Variants in PAX7 observed in about 807,000 individuals in gnomAD.
PAX7 encodes the protein paired box 7.
PAX7 carries 18 observed loss-of-function variants against 50.7 expected under a neutral mutation model. The observed-to-expected ratio is 0.36, with a 90% CI of 0.25 to 0.53. The LOEUF (loss-of-function observed/expected upper bound fraction) is 0.53, where lower values mean the gene tolerates loss of function less well. Ranked by LOEUF, PAX7 falls within the 20% of genes least tolerant of loss-of-function variation. PAX7 has a pLI of 0.93. For missense variants in PAX7, 644 were observed against 702.9 expected (o/e 0.92, Z 0.95); for synonymous variants, 310 against 290.4 (o/e 1.07, Z -0.69).
intron 5 of PAX7, among the ~76,000 whole-genome samples, chr1:18,699,084 C>A (rs2089184219): frequency 6.6e-6 from 1 of 152,208 alleles, no homozygotes; most frequent in Non-Finnish European, 1.5e-5. Context: ...ATCCTGCCTC[C>A]CCTTGTTCAT....
rs1415303283 is a variant in PAX7, at chr1:18,746,103, T to G, written c.*1174T>G. The stretch of plus-strand genomic sequence containing the variant: ...GATGCAGAGAGCTACCCTCAGAGCT[T>G]TGGAGGAGGGTTGTAGACTGGGCAG... On this transcript the variant is annotated 3_prime_UTR_variant, in exon 9 of 9. Coordinates refer to ENST00000420770, the MANE Select transcript of PAX7 (RefSeq NM_001135254.2). 4 of 231,610 alleles carry G rather than the reference T, an allele frequency of 1.7e-5. No individual in the cohort carries two copies. The highest frequency in any genetic ancestry group is 8.8e-5 in the African/African-American group (4 of 45,242). 14.3% of individuals were successfully genotyped at this position (231,610 alleles called of 1,614,324 possible).
chr1:18,700,555 C>A lies in PAX7; in HGVS notation c.787-98C>A. 1 of 1,138,114 alleles carries A rather than the reference C, an allele frequency of 8.8e-7. No homozygotes were observed. Among genetic ancestry groups the A allele is most frequent in the Non-Finnish European group, 1.2e-6 (1 of 827,062 alleles). The allele number at this position is 1,138,114 out of a possible 1,614,324, so 70.5% of individuals were successfully genotyped here. ...GCCTGCAGGAGGATGCTGGCTGGAT[C>A]AGAGGGTGATGGCTTGGGCAACTGG... is the stretch of plus-strand genomic sequence containing the variant. On this transcript the variant is annotated intron_variant, in intron 5 of 8. Coordinates refer to ENST00000420770, the MANE Select transcript of PAX7 (RefSeq NM_001135254.2). The surrounding 1 kb of genome is among the most constrained non-coding windows in gnomAD (Gnocchi z 4.8).
At chr1:18,707,205 C>A (rs922782021) in intron 7 of PAX7, among the ~76,000 whole-genome samples, 4 of 152,110 alleles carry the variant, frequency 2.6e-5, no homozygotes, top group Non-Finnish European at 4.4e-5. Flanking sequence ...CAGGGTCAGA[C>A]AGACAAAAAA....
chr1:18,650,023 G>T (rs1001866707), intron 4 of PAX7, among the ~76,000 whole-genome samples: 28 of 152,188 alleles, frequency 1.8e-4, no homozygotes, highest in Admixed American at 1.8e-3. Flanking sequence ...TTTAGTGGAG[G>T]GGAAGCAGTG....
intron 4 of PAX7, among the ~76,000 whole-genome samples, chr1:18,669,800 A>G (rs2088717580): frequency 6.6e-6 from 1 of 152,214 alleles, no homozygotes; most frequent in Non-Finnish European, 1.5e-5. Context: ...GTTGCAACAT[A>G]GTTGTAATGG....
Position 18,632,894 on chromosome 1 carries a change from T to C in PAX7, c.85+1206T>C, listed in dbSNP as rs2088079117. On this transcript the variant is annotated intron_variant, in intron 1 of 8. Transcript: ENST00000420770. This position sits in a 1 kb window ranked among gnomAD's most constrained non-coding sequence, Gnocchi z 6.3. ...GGGGATTTGCAGTGGCACTCTCCTG[T>C]AGCGAATGCAAGTAAAACAGGCGGC... Among the ~76,000 whole-genome samples, 1 of 152,130 alleles carries C rather than the reference T, an allele frequency of 6.6e-6. No individual in the cohort carries two copies. The highest frequency in any genetic ancestry group is 2.4e-5 in the African/African-American group (1 of 41,444).
chr1:18,649,849 T>C (rs1229509296), intron 4 of PAX7, among the ~76,000 whole-genome samples: 1 of 152,242 alleles, frequency 6.6e-6, no homozygotes, highest in Non-Finnish European at 1.5e-5. Flanking sequence ...CACTAACTGC[T>C]GTGTCATTCT....
chr1:18,703,039 C>A, intron 6 of PAX7, 55 bp from the exon 7 acceptor site: 2 of 1,517,894 alleles, frequency 1.3e-6, no homozygotes, highest in Non-Finnish European at 1.8e-6. Context: ...CTCTCAGAGG[C>A]CCAGCGTCCA....
Position 18,718,873 on chromosome 1 carries a change from C to G in PAX7, c.1155+15577C>G, listed in dbSNP as rs184403975. On this transcript the variant is annotated intron_variant, in intron 7 of 8. Transcript: ENST00000420770. ...GCCAGGCTGGTCTCAAACTCCTGACCTCATGATCCTCCCGCCTCAGCCTCC... is the reference window on the plus strand; with the variant it reads ...GCCAGGCTGGTCTCAAACTCCTGACGTCATGATCCTCCCGCCTCAGCCTCC... Among the ~76,000 whole-genome samples the G allele has an allele frequency of 5.5e-3, 833 of 152,232 alleles. 11 individuals are homozygous for G. Among genetic ancestry groups the G allele is most frequent in the African/African-American group, 0.018 (750 of 41,540 alleles).
chr1:18,736,175 A>G lies in PAX7; in HGVS notation c.1402+297A>G, dbSNP rs112977963. 8.6e-4 allele frequency: 523 copies of G among 607,094 alleles called. 4 individuals carry two copies. In the African/African-American group the frequency reaches 8.9e-3, roughly 10 times the overall value. The allele number at this position is 607,094 out of a possible 1,614,324, so 37.6% of individuals were successfully genotyped here. Reference sequence around the variant, plus strand: ...TAGTGGCCACATTTTAAAACATAAGAAGAAACAGGCCAGGCGTGGTGGCTC... The same window carrying G: ...TAGTGGCCACATTTTAAAACATAAGGAGAAACAGGCCAGGCGTGGTGGCTC... On this transcript the variant is annotated intron_variant, in intron 8 of 8. Coordinates refer to ENST00000420770, the MANE Select transcript of PAX7 (RefSeq NM_001135254.2).
At chr1:18,722,069 G>A (rs545336502) in intron 7 of PAX7, among the ~76,000 whole-genome samples, 4 of 152,332 alleles carry the variant, frequency 2.6e-5, no homozygotes, top group South Asian at 4.1e-4. Context: ...TCCCAGGGCT[G>A]TTGTGAGGAG....
At chr1:18,737,735 T>C (rs371441510) in intron 8 of PAX7, among the ~76,000 whole-genome samples, 65 of 152,390 alleles carry the variant, frequency 4.3e-4, no homozygotes, top group African/African-American at 1.5e-3. Flanking sequence ...TGCACACATA[T>C]ATGTAAGTAT....
rs558558880 is a variant in PAX7 at position 18,678,210 on chromosome 1, G to A, written c.587-13544G>A. Reference sequence around the variant, plus strand: ...GTGGATTACCTGAGGTTGGGAATTCGTGACAAGCCTGACCAACATGGAGAA... The same window carrying A: ...GTGGATTACCTGAGGTTGGGAATTCATGACAAGCCTGACCAACATGGAGAA... On this transcript the variant is annotated intron_variant, in intron 4 of 8. Transcript: ENST00000420770. Among the ~76,000 whole-genome samples, 6 of 152,192 alleles carry A rather than the reference G, an allele frequency of 3.9e-5. No individual in the cohort carries two copies. The South Asian group carries it at 6.2e-4, about 16-fold the overall frequency.
chr1:18,669,185 G>A (rs1166144580), intron 4 of PAX7, among the ~76,000 whole-genome samples: 1 of 152,184 alleles, frequency 6.6e-6, no homozygotes, highest in African/African-American at 2.4e-5. Flanking sequence ...GCTAGATGCT[G>A]GGGCTCAGAG....
At chr1:18,635,857 C>A (rs1450547915) in intron 3 of PAX7, among the ~76,000 whole-genome samples, 2 of 151,254 alleles carry the variant, frequency 1.3e-5, no homozygotes, top group Non-Finnish European at 2.9e-5. Flanking sequence ...TTCAGGCACG[C>A]AGGGCCAGAA....
At chr1:18,639,948 G>C (rs2088224236) in intron 4 of PAX7, among the ~76,000 whole-genome samples, 1 of 144,160 alleles carries the variant, frequency 6.9e-6, no homozygotes, top group Admixed American at 6.9e-5. Context: ...TTAGAAAAAA[G>C]AAGTAGTAGT....
intron 5 of PAX7, among the ~76,000 whole-genome samples, chr1:18,697,545 A>T (rs1324775393): frequency 1.3e-5 from 2 of 152,064 alleles, no homozygotes; most frequent in Non-Finnish European, 2.9e-5. Context: ...GATAACAAAA[A>T]TTTTCCCATC....
chr1:18,704,643 AAGAG>A (rs1214268077), intron 7 of PAX7, among the ~76,000 whole-genome samples: 3 of 152,094 alleles, frequency 2.0e-5, no homozygotes, highest in Non-Finnish European at 1.5e-5. Flanking sequence ...AATAAATAAA[AAGAG>A]AGACCATGTG....
rs2088079461 is a variant in PAX7 at position 18,632,912 on chromosome 1, C to G, written c.85+1224C>G. 6.6e-6 allele frequency among the ~76,000 whole-genome samples: 1 copy of G among 152,158 alleles called. No homozygotes were observed. The highest frequency in any genetic ancestry group is 1.5e-5 in the Non-Finnish European group (1 of 68,026). On this transcript the variant is annotated intron_variant, in intron 1 of 8. Transcript: ENST00000420770. This position sits in a 1 kb window ranked among gnomAD's most constrained non-coding sequence, Gnocchi z 6.3. The stretch of plus-strand genomic sequence containing the variant: ...TCTCCTGTAGCGAATGCAAGTAAAA[C>G]AGGCGGCTGAGGACGCGCGGCGGAT...
Sources: gnomAD v4.1 joint callset for allele counts (sites outside exome capture counted in the v4.1 genomes callset) on GRCh38, gnomAD v4.1.1 for gene constraint, Gnocchi (gnomAD v3.1) non-coding constraint, MANE v1.5 for transcripts, NCBI Gene and HGNC (gene_info 2026-07-23, HGNC 2026-07-21) for gene names.